ZNF777: variants seen among roughly 807,000 people sequenced by gnomAD.
ZNF777 encodes the protein zinc finger protein 777.
Under a neutral mutation model 72.1 loss-of-function variants are expected in ZNF777, and 7 were observed. That is an observed-to-expected ratio of 0.10 (90% CI 0.06 to 0.18). The LOEUF (loss-of-function observed/expected upper bound fraction) is 0.18. Ranked by LOEUF, ZNF777 falls within the 10% of genes least tolerant of loss-of-function variation. The pLI, the probability that ZNF777 is intolerant of heterozygous loss-of-function variation, is 1.00. For synonymous variants in ZNF777, 545 were observed against 483.5 expected (o/e 1.13, Z -1.67); for missense variants, 828 against 1,128.6 (o/e 0.73, Z 3.82).
At chr7:149,457,954 G>A (rs1174558648) in intron 1 of ZNF777, among the ~76,000 whole-genome samples, 1 of 152,180 alleles carries the variant, frequency 6.6e-6, no homozygotes. Flanking sequence ...AGGCTACCTT[G>A]AGGCCTTAAC....
rs779842889 is a variant in ZNF777 at position 149,432,751 on chromosome 7, C to T, written c.1521G>A (p.Gln507=). 16 of 1,611,208 alleles carry T rather than the reference C, an allele frequency of 9.9e-6. No homozygotes were observed. In the Middle Eastern group the frequency reaches 4.9e-4, roughly 50 times the overall value. ...PEGEESPPPL[Q]LGNPAVKRLA... is the part of the protein sequence containing the mutation. ...GCCTTTTCACTGCGGGGTTTCCTAG[C>T]TGCAGGGGCGGGGGGCTCTCCTCGC... Residue 507 remains glutamine (Q), a synonymous_variant, in exon 6 of 6, where the codon CAG becomes CAA. Coordinates refer to ENST00000247930, the MANE Select transcript of ZNF777 (RefSeq NM_015694.3).
chr7:149,459,992 AC>A, intron 1 of ZNF777: 5 of 860,408 alleles, frequency 5.8e-6, no homozygotes, highest in Non-Finnish European at 6.9e-6. Context: ...GGGCGCCCCC[AC>A]CCCCCGCGCC....
Position 149,455,194 on chromosome 7 carries a change from T to G in ZNF777, c.829A>C (p.Asn277His), listed in dbSNP as rs1207314727. The G allele has an allele frequency of 1.9e-6, 3 of 1,612,670 alleles. No homozygotes were observed. The African/African-American group carries it at 4.0e-5, about 22-fold the overall frequency. Residue 277 changes from asparagine to histidine, a missense_variant, in exon 2 of 6, where the codon AAT (asparagine) becomes CAT (histidine). By Grantham distance (68) the Asn-to-His change is moderately conservative (BLOSUM62 1). Around this residue, in one of 12 missense-constraint regions of ZNF777, gnomAD observed 76 missense variants for 157.3 expected, o/e 0.48. Transcript: ENST00000247930. This position sits in a 1 kb window ranked among gnomAD's most constrained non-coding sequence, Gnocchi z 4.2. Reference sequence around the variant, plus strand: ...GTGCTTACCTTGGGAACTTCTCCATTGCTGCCGGGGGGCAGCCGCAGGATC... The same window carrying G: ...GTGCTTACCTTGGGAACTTCTCCATGGCTGCCGGGGGGCAGCCGCAGGATC... The part of the protein sequence containing the change: ...FWILRLPPGS[N>H]GEVPKVPVTF...
chr7:149,458,478 A>G lies in ZNF777; in HGVS notation c.-16+2337T>C, dbSNP rs146968293. Among the ~76,000 whole-genome samples, 22 of 151,592 alleles carry G rather than the reference A, an allele frequency of 1.5e-4. 1 individual carries two copies. The highest frequency in any genetic ancestry group is 5.1e-4 in the African/African-American group (21 of 41,268). On this transcript the variant is annotated intron_variant, in intron 1 of 5. Transcript: ENST00000247930. The stretch of plus-strand genomic sequence containing the variant: ...GGGAGCAAGTTAGTCTCTCTGAGTA[A>G]TGCAGAGGTTTAACTGAAACAATGA...
chr7:149,436,563 C>G lies in ZNF777; in HGVS notation c.1339+12G>C, dbSNP rs773826487. 2 of 1,586,428 alleles carry G rather than the reference C, an allele frequency of 1.3e-6. No individual in the cohort carries two copies. Among genetic ancestry groups the G allele is most frequent in the East Asian group, 4.5e-5 (2 of 44,322 alleles). On this transcript the variant is annotated intron_variant, in intron 5 of 5. Coordinates refer to ENST00000247930, the MANE Select transcript of ZNF777 (RefSeq NM_015694.3). This position sits in a 1 kb window ranked among gnomAD's most constrained non-coding sequence, Gnocchi z 5.0. ...GGCAACCCTTCCCCGGCCGTCCCCG[C>G]CCAGCACTCACCCGTGCAGTTCCTC...
At chr7:149,454,070 G>A (rs928049372) in intron 3 of ZNF777, 41 bp downstream of exon 3, 2 of 1,611,816 alleles carry the variant, frequency 1.2e-6, no homozygotes, top group Non-Finnish European at 1.7e-6. Context: ...ACTTTGAGCT[G>A]GCGTCCAGGC....
Position 149,432,317 on chromosome 7 carries a change from G to C in ZNF777, c.1955C>G (p.Thr652Ser), listed in dbSNP as rs1224422449. Residue 652 changes from threonine to serine, a missense_variant, in exon 6 of 6, where the codon ACC (threonine) becomes AGC (serine). Thr to Ser is a moderately conservative substitution (Grantham distance 58). Transcript: ENST00000247930. Reference protein sequence around the residue: ...DSSFSHKSSLTKHQITHTGER... With the variant: ...DSSFSHKSSLSKHQITHTGER... ...ACCCGTGTGCGTGATCTGGTGTTTG[G>C]TCAGGCTGGACTTGTGGCTGAAGCT... 6.2e-7 allele frequency: 1 copy of C among 1,610,102 alleles called. No homozygotes were observed. Among genetic ancestry groups the C allele is most frequent in the African/African-American group, 1.3e-5 (1 of 74,844 alleles).
chr7:149,459,866 A>G, intron 1 of ZNF777: 4 of 983,168 alleles, frequency 4.1e-6, no homozygotes, highest in Non-Finnish European at 4.8e-6. Flanking sequence ...CGGGCGCCCC[A>G]CCTCGGGGCC....
intron 5 of ZNF777, among the ~76,000 whole-genome samples, chr7:149,434,377 G>A (rs1799377150): frequency 6.6e-6 from 1 of 152,172 alleles, no homozygotes; most frequent in African/African-American, 2.4e-5. Flanking sequence ...CCTCAGTAGT[G>A]TTAGGATTCT....
At chr7:149,459,681 G>C in intron 1 of ZNF777, 5 of 985,184 alleles carry the variant, frequency 5.1e-6, no homozygotes, top group Non-Finnish European at 6.0e-6. Flanking sequence ...GGGCCGGCAG[G>C]GCGGGTCGCC....
intron 1 of ZNF777, among the ~76,000 whole-genome samples, chr7:149,456,579 G>T (rs1202152598): frequency 6.6e-6 from 1 of 152,150 alleles, no homozygotes; most frequent in Non-Finnish European, 1.5e-5. Flanking sequence ...CCCAGCAGGG[G>T]TGGGGGGCTC....
intron 4 of ZNF777, among the ~76,000 whole-genome samples, chr7:149,441,135 C>T (rs1432417058): frequency 6.6e-6 from 1 of 152,198 alleles, no homozygotes; most frequent in Non-Finnish European, 1.5e-5. Flanking sequence ...CTCCCCACCC[C>T]GAACAACTTT....
chr7:149,449,963 T>C (rs558367335), intron 4 of ZNF777, among the ~76,000 whole-genome samples: 6 of 152,278 alleles, frequency 3.9e-5, no homozygotes, highest in Admixed American at 2.0e-4. Flanking sequence ...ATTACTCCCA[T>C]GTTCCTAGAA....
intron 3 of ZNF777, 94 bp from the exon 4 acceptor site, chr7:149,451,206 G>A: frequency 8.9e-7 from 1 of 1,122,092 alleles, no homozygotes; most frequent in East Asian, 2.4e-5. Context: ...TCCAGGAGCA[G>A]CTCCTCGACT....
At position 149,432,447 on chromosome 7, in the gene ZNF777, G is replaced by A. The variant is rs12534024; in HGVS notation, c.1825C>T (p.Pro609Ser). 3.0e-5 allele frequency: 48 copies of A among 1,613,440 alleles called. No individual in the cohort carries two copies. In the African/African-American group the frequency reaches 5.9e-4, roughly 20 times the overall value. The change falls in exon 6 of 6, where the codon CCC becomes TCC. Residue 609 changes from proline to serine, a missense_variant. Transcript: ENST00000247930. ...RGGCVSPERG[P>S]TFNPKHALKP... Reference sequence around the variant, plus strand: ...AGCGCGTGCTTGGGGTTGAACGTGGGCCCGCGTTCGGGTGAGACGCAGCCT... The same window carrying A: ...AGCGCGTGCTTGGGGTTGAACGTGGACCCGCGTTCGGGTGAGACGCAGCCT...
intron 4 of ZNF777, among the ~76,000 whole-genome samples, chr7:149,450,313 C>T (rs111335190): frequency 2.2e-4 from 34 of 152,332 alleles, no homozygotes; most frequent in African/African-American, 7.9e-4. Flanking sequence ...ACACCAACAG[C>T]GGCTGGTGTA....
At chr7:149,441,365 G>C (rs1799511565) in intron 4 of ZNF777, among the ~76,000 whole-genome samples, 2 of 152,116 alleles carry the variant, frequency 1.3e-5, no homozygotes, top group Admixed American at 1.3e-4. Flanking sequence ...AACTCCTGAT[G>C]AACAAAAAAA....
In ZNF777 at chr7:149,441,217, C is replaced by T. The variant is rs542744245; in HGVS notation, c.1088-4391G>A. 1.9e-4 allele frequency among the ~76,000 whole-genome samples: 29 copies of T among 152,176 alleles called. No individual in the cohort carries two copies. In the South Asian group the frequency reaches 4.6e-3, roughly 24 times the overall value. On this transcript the variant is annotated intron_variant, in intron 4 of 5. Transcript: ENST00000247930. Reference sequence around the variant, plus strand: ...TTGTTCTCCCATTTAAAAAATTAATCGAAGACACATACATTGTGGGAATAT... The same window carrying T: ...TTGTTCTCCCATTTAAAAAATTAATTGAAGACACATACATTGTGGGAATAT...
chr7:149,449,265 G>A (rs921927148), intron 4 of ZNF777, among the ~76,000 whole-genome samples: 3 of 152,228 alleles, frequency 2.0e-5, no homozygotes, highest in African/African-American at 7.2e-5. Context: ...ATGGTGACTG[G>A]AACAAATGAC....
Sources: allele counts gnomAD v4.1 joint callset (sites outside exome capture counted in the v4.1 genomes callset), GRCh38; gene constraint gnomAD v4.1.1; regional missense constraint gnomAD v4.1.1; non-coding constraint Gnocchi (gnomAD v3.1); transcripts MANE v1.5; gene names NCBI Gene and HGNC (gene_info 2026-07-23, HGNC 2026-07-21).